The following DOCK2 variants were observed in gnomAD, a reference collection of about 807,000 sequenced individuals.
DOCK2 encodes the protein dedicator of cytokinesis protein 2.
Under a neutral mutation model 248.9 loss-of-function variants are expected in DOCK2, and 87 were observed. The ratio of observed to expected loss-of-function variants is 0.35; its 90% CI spans 0.29 to 0.42. The LOEUF (loss-of-function observed/expected upper bound fraction) is 0.42. Among genes scored for constraint, DOCK2 ranks in the 10% least tolerant of loss-of-function variants. The pLI, the probability that DOCK2 is intolerant of heterozygous loss-of-function variation, is 1.00. For missense variants in DOCK2, 1,747 were observed against 2,300.2 expected, an observed-to-expected ratio of 0.76 and a Z score of 4.92; for synonymous variants, 805 against 821.6, an observed-to-expected ratio of 0.98 and a Z score of 0.35.
chr5:169,824,605 C>A (rs2113255949), intron 26 of DOCK2, among the ~76,000 whole-genome samples: 1 of 152,270 alleles, frequency 6.6e-6, no homozygotes, highest in Middle Eastern at 3.4e-3. Flanking sequence ...TTCCTTACAC[C>A]TTATACAAAA....
At position 169,702,421 on chromosome 5, in the gene DOCK2, G is replaced by T; in HGVS notation, c.1377G>T (p.Thr459=). The T allele has an allele frequency of 2.5e-6, 4 of 1,613,514 alleles. No homozygotes were observed. Among genetic ancestry groups the T allele is most frequent in the Non-Finnish European group, 3.4e-6 (4 of 1,179,616 alleles). ...GTGTGTGCGCGGAGGATGGCAAAAC[G>T]CTGCCTGTAAGGGACTCACTGCTGC... ...IMCVCAEDGK[T]LPNAICVGAG... Residue 459 remains threonine (T), a synonymous_variant, in exon 14 of 52, where the codon ACG becomes ACT. Coordinates refer to ENST00000520908, the MANE Select transcript of DOCK2 (RefSeq NM_004946.3).
At chr5:169,716,441 C>A in intron 20 of DOCK2, 139 bp downstream of exon 20, 1 of 775,668 alleles carries the variant, frequency 1.3e-6, no homozygotes, top group Non-Finnish European at 2.0e-6. Flanking sequence ...TGTTTGGCAA[C>A]AAGACCAATA....
chr5:170,049,393 G>A (rs543090903), intron 40 of DOCK2, among the ~76,000 whole-genome samples: 26 of 152,296 alleles, frequency 1.7e-4, no homozygotes, highest in East Asian at 3.9e-4. Flanking sequence ...GATTACAGGC[G>A]TGAGCCACCA....
chr5:170,035,992 G>T (rs1756309871), intron 35 of DOCK2, among the ~76,000 whole-genome samples: 1 of 152,162 alleles, frequency 6.6e-6, no homozygotes, highest in African/African-American at 2.4e-5. Flanking sequence ...TAGGGACCTA[G>T]ATTCCTACGT....
intron 46 of DOCK2, 133 bp downstream of exon 46, chr5:170,069,353 C>G: frequency 1.2e-6 from 1 of 833,222 alleles, no homozygotes; most frequent in East Asian, 2.7e-5. Flanking sequence ...TTTTCAGCCC[C>G]TCTTCCAACT....
intron 22 of DOCK2, among the ~76,000 whole-genome samples, chr5:169,730,090 G>A (rs754500179): frequency 2.6e-5 from 4 of 152,114 alleles, no homozygotes; most frequent in Non-Finnish European, 4.4e-5. Context: ...CCGAGTAGCT[G>A]GGACTACAGG....
At chr5:169,659,419 C>G (rs145331077) in intron 2 of DOCK2, among the ~76,000 whole-genome samples, 1 of 152,312 alleles carries the variant, frequency 6.6e-6, no homozygotes, top group Non-Finnish European at 1.5e-5. Context: ...TCCATCCTCT[C>G]CCCTATTATG....
chr5:170,060,197 G>A (rs972608568), intron 44 of DOCK2, among the ~76,000 whole-genome samples: 1 of 152,140 alleles, frequency 6.6e-6, no homozygotes, highest in Non-Finnish European at 1.5e-5. Context: ...ACTTTACAAG[G>A]AGCCCTGATC....
At chr5:170,046,983 G>C (rs557489010) in intron 39 of DOCK2, among the ~76,000 whole-genome samples, 1 of 152,158 alleles carries the variant, frequency 6.6e-6, no homozygotes, top group Non-Finnish European at 1.5e-5. Context: ...GATGCCATTA[G>C]GTGTAAAGTA....
At position 169,695,865 on chromosome 5, in the gene DOCK2, C is replaced by G. The variant is rs146489287; in HGVS notation, c.906C>G (p.Val302=). 128 of 1,613,806 alleles carry G rather than the reference C, an allele frequency of 7.9e-5. No homozygotes were observed. In the Admixed American group the frequency reaches 2.1e-3, roughly 26 times the overall value. ...KIYLICQIVR[V]GKMDLKDTGA... ...ACTTGATTTGTCAAATAGTCCGGGT[C>G]GGCAAGATGGATCTTAAGGATACTG... is the stretch of plus-strand genomic sequence containing the variant. The change falls in exon 10 of 52, where the codon GTC becomes GTG. Residue 302 remains valine (V), a synonymous_variant. Coordinates refer to ENST00000520908, the MANE Select transcript of DOCK2 (RefSeq NM_004946.3).
intron 27 of DOCK2, among the ~76,000 whole-genome samples, chr5:169,935,955 C>T (rs1468998228): frequency 6.6e-6 from 1 of 152,172 alleles, no homozygotes; most frequent in Non-Finnish European, 1.5e-5. Context: ...CTAACCACAA[C>T]TAATAAAAGG....
At chr5:169,775,414 A>G (rs1176981406) in intron 25 of DOCK2, among the ~76,000 whole-genome samples, 3 of 152,098 alleles carry the variant, frequency 2.0e-5, no homozygotes, top group Non-Finnish European at 4.4e-5. Context: ...GTGCTGCTTG[A>G]TAGTCTGTCT....
chr5:170,002,183 C>A (rs1754858123), intron 30 of DOCK2, among the ~76,000 whole-genome samples: 2 of 151,452 alleles, frequency 1.3e-5, no homozygotes, highest in African/African-American at 4.9e-5. Context: ...AATGTAGTTT[C>A]CCATGCATAA....
intron 27 of DOCK2, among the ~76,000 whole-genome samples, chr5:169,877,047 G>A (rs1041768747): frequency 6.6e-6 from 1 of 152,218 alleles, no homozygotes; most frequent in African/African-American, 2.4e-5. Context: ...TCCTTCTGGG[G>A]AAGGATTGGA....
chr5:169,945,816 G>A lies in DOCK2; in HGVS notation c.2800-37252G>A, dbSNP rs539893841. Among the ~76,000 whole-genome samples, 6 of 152,250 alleles carry A rather than the reference G, an allele frequency of 3.9e-5. No homozygotes were observed. The South Asian group carries it at 6.2e-4, about 16-fold the overall frequency. On this transcript the variant is annotated intron_variant, in intron 27 of 51. Coordinates refer to ENST00000520908, the MANE Select transcript of DOCK2 (RefSeq NM_004946.3). Reference sequence around the variant, plus strand: ...TGGCTTTTGCTTATTGTTTGGATTCGCCCACGGCCTCCGTCCTTTGTGCAG... The same window carrying A: ...TGGCTTTTGCTTATTGTTTGGATTCACCCACGGCCTCCGTCCTTTGTGCAG...
chr5:169,767,057 A>G lies in DOCK2; in HGVS notation c.2554+5432A>G, dbSNP rs374284856. Among the ~76,000 whole-genome samples, 10 of 152,288 alleles carry G rather than the reference A, an allele frequency of 6.6e-5. 1 individual carries two copies. In the East Asian group the frequency reaches 1.2e-3, roughly 18 times the overall value. ...GGGCATGGGCCACTGCGCTTGGCCA[A>G]TTTTTGACTTTTTCATAATAGCCAT... On this transcript the variant is annotated intron_variant, in intron 25 of 51. Transcript: ENST00000520908.
chr5:170,034,628 G>C (rs373355046), intron 35 of DOCK2, 73 bp downstream of exon 35: 3 of 1,573,200 alleles, frequency 1.9e-6, no homozygotes, highest in African/African-American at 1.4e-5. Flanking sequence ...TGGGTCTCAC[G>C]ATTGTTCTTC....
intron 27 of DOCK2, among the ~76,000 whole-genome samples, chr5:169,879,225 G>T (rs1303990416): frequency 1.3e-5 from 2 of 152,214 alleles, no homozygotes; most frequent in Non-Finnish European, 2.9e-5. Context: ...ACAGTGACAT[G>T]CACTGAGCGC....
chr5:169,773,900 C>G (rs1162522803), intron 25 of DOCK2, among the ~76,000 whole-genome samples: 2 of 152,194 alleles, frequency 1.3e-5, no homozygotes, highest in Non-Finnish European at 2.9e-5. Flanking sequence ...CGTTCGCTTG[C>G]TTCTCATTCC....
Sources: gnomAD v4.1 joint callset for allele counts (sites outside exome capture counted in the v4.1 genomes callset) on GRCh38, gnomAD v4.1.1 for gene constraint, MANE v1.5 for transcripts, NCBI Gene and HGNC (gene_info 2026-07-23, HGNC 2026-07-21) for gene names.